ELAVL2: variants seen among roughly 807,000 people sequenced by gnomAD.
ELAVL2 encodes the protein ELAV-like protein 2.
ELAVL2 carries 4 observed loss-of-function variants against 34.6 expected under a neutral mutation model. The observed-to-expected ratio is 0.12, with a 90% confidence interval of 0.06 to 0.26. ELAVL2 has a LOEUF of 0.26. Ranked by LOEUF, ELAVL2 falls within the 10% of genes least tolerant of loss-of-function variation. The probability of loss-of-function intolerance (pLI) is 1.00; values close to 1 mark genes in which losing one functional copy is unlikely to be tolerated. For missense variants in ELAVL2, 432 were observed against 442.8 expected (o/e 0.98, Z 0.22); for synonymous variants, 193 against 154.8 (o/e 1.25, Z -1.83).
At chr9:23,717,169 A>G (rs933795538) in intron 3 of ELAVL2, among the ~76,000 whole-genome samples, 1 of 152,192 alleles carries the variant, frequency 6.6e-6, no homozygotes, top group Admixed American at 6.5e-5. Flanking sequence ...TCAGAAACCC[A>G]AGTCTTCTTT....
At chr9:23,714,971 A>C (rs1266289975) in intron 3 of ELAVL2, among the ~76,000 whole-genome samples, 1 of 152,198 alleles carries the variant, frequency 6.6e-6, no homozygotes, top group Non-Finnish European at 1.5e-5. Flanking sequence ...ATACGGCCAG[A>C]GAACTAGACT....
intron 3 of ELAVL2, among the ~76,000 whole-genome samples, chr9:23,710,643 T>A (rs1449925939): frequency 6.6e-6 from 1 of 152,200 alleles, no homozygotes; most frequent in African/African-American, 2.4e-5. Flanking sequence ...CTTGCCACTT[T>A]AGACTTTTTT....
chr9:23,755,209 A>G (rs1411917442), intron 2 of ELAVL2, among the ~76,000 whole-genome samples: 4 of 152,166 alleles, frequency 2.6e-5, no homozygotes, highest in African/African-American at 4.8e-5. Flanking sequence ...GTACTAAACA[A>G]AAGAGGACAG....
chr9:23,761,897 G>C, intron 2 of ELAVL2, 109 bp downstream of exon 2: 1 of 1,336,232 alleles, frequency 7.5e-7, no homozygotes, highest in Non-Finnish European at 9.9e-7. Flanking sequence ...AGAAAATCTA[G>C]ATATGTAAAA....
At chr9:23,788,283 G>A (rs1290792422) in intron 1 of ELAVL2, among the ~76,000 whole-genome samples, 3 of 152,156 alleles carry the variant, frequency 2.0e-5, no homozygotes, top group South Asian at 2.1e-4. Flanking sequence ...ACTCTACGGT[G>A]ATCCCTTCTA....
At chr9:23,772,075 T>C (rs774629141) in intron 1 of ELAVL2, among the ~76,000 whole-genome samples, 21 of 152,186 alleles carry the variant, frequency 1.4e-4, no homozygotes, top group Non-Finnish European at 2.2e-4. Context: ...TTGTTTGGTA[T>C]AGGCAGATTA....
At chr9:23,702,979 A>AAAAAAAAAAC (rs2037970345) in intron 4 of ELAVL2, among the ~76,000 whole-genome samples, 1 of 128,800 alleles carries the variant, frequency 7.8e-6, no homozygotes, top group Non-Finnish European at 1.6e-5. Flanking sequence ...AAAAAAAAAA[A>AAAAAAAAAAC]AACAGCCTCT....
chr9:23,727,675 A>G (rs970646864), intron 3 of ELAVL2, among the ~76,000 whole-genome samples: 16 of 152,062 alleles, frequency 1.1e-4, no homozygotes, highest in Non-Finnish European at 2.2e-4. Flanking sequence ...CAGAAACTGT[A>G]TTTCTAACTC....
At chr9:23,809,974 C>T (rs905708582) in intron 1 of ELAVL2, among the ~76,000 whole-genome samples, 2 of 152,078 alleles carry the variant, frequency 1.3e-5, no homozygotes, top group African/African-American at 2.4e-5. Context: ...CTTGACCTGC[C>T]ATTTTTTTCT....
intron 1 of ELAVL2, among the ~76,000 whole-genome samples, chr9:23,805,994 C>T (rs1387858590): frequency 6.6e-6 from 1 of 152,028 alleles, no homozygotes; most frequent in Non-Finnish European, 1.5e-5. Flanking sequence ...AAATTAAACT[C>T]ACCAACTAGA....
chr9:23,804,187 T>A (rs1006826547), intron 1 of ELAVL2, among the ~76,000 whole-genome samples: 79 of 151,964 alleles, frequency 5.2e-4, no homozygotes, highest in African/African-American at 1.9e-3. Context: ...ATTTATTTTT[T>A]TTTTGAGACG....
chr9:23,767,591 G>A (rs2056548185), intron 1 of ELAVL2, among the ~76,000 whole-genome samples: 1 of 151,998 alleles, frequency 6.6e-6, no homozygotes, highest in Non-Finnish European at 1.5e-5. Flanking sequence ...GACCAGCCTG[G>A]GCAACATGGT....
chr9:23,699,528 A>G (rs2036414111), intron 5 of ELAVL2, among the ~76,000 whole-genome samples: 1 of 152,162 alleles, frequency 6.6e-6, no homozygotes, highest in Non-Finnish European at 1.5e-5. Flanking sequence ...TAAACTCGAG[A>G]TCATTTTCAA....
intron 3 of ELAVL2, among the ~76,000 whole-genome samples, chr9:23,726,714 A>AATTC (rs2045274067): frequency 6.6e-6 from 1 of 152,130 alleles, no homozygotes; most frequent in Non-Finnish European, 1.5e-5. Flanking sequence ...CTTGGAAATG[A>AATTC]ATGATTTTAG....
chr9:23,768,443 CTTTTT>C (rs527710583), intron 1 of ELAVL2, among the ~76,000 whole-genome samples: 7 of 140,146 alleles, frequency 5.0e-5, no homozygotes, highest in African/African-American at 1.8e-4. Context: ...AACTAGGTAA[CTTTTT>C]TTTTTTTTTT....
intron 2 of ELAVL2, among the ~76,000 whole-genome samples, chr9:23,739,028 G>T (rs113802282): frequency 3.3e-5 from 5 of 152,126 alleles, no homozygotes; most frequent in African/African-American, 1.2e-4. Context: ...ACACAATTCA[G>T]TCTTAGACTA....
chr9:23,726,577 A>G (rs753444236), intron 3 of ELAVL2, among the ~76,000 whole-genome samples: 26 of 152,006 alleles, frequency 1.7e-4, no homozygotes, highest in Non-Finnish European at 2.8e-4. Flanking sequence ...AAAGCATCCT[A>G]GGCCCATTGT....
At chr9:23,787,616 A>C (rs900639119) in intron 1 of ELAVL2, among the ~76,000 whole-genome samples, 1 of 152,116 alleles carries the variant, frequency 6.6e-6, no homozygotes, top group African/African-American at 2.4e-5. Flanking sequence ...AAACCTGCCA[A>C]TGTGGGTCTA....
chr9:23,735,948 G>A (rs1012669400), intron 2 of ELAVL2, among the ~76,000 whole-genome samples: 6 of 152,068 alleles, frequency 3.9e-5, no homozygotes, highest in Non-Finnish European at 7.4e-5. Flanking sequence ...ACAGTAAATG[G>A]CAATATATCC....
Sources: allele counts gnomAD v4.1 joint callset (sites outside exome capture counted in the v4.1 genomes callset), GRCh38; gene constraint gnomAD v4.1.1; transcripts MANE v1.5; gene names NCBI Gene and HGNC (gene_info 2026-07-23, HGNC 2026-07-21).